Variants in KCNG3 observed in about 807,000 individuals in gnomAD.
The protein encoded by KCNG3 is potassium voltage-gated channel modifier subfamily G member 3.
Under a neutral mutation model 29.0 loss-of-function variants are expected in KCNG3, and 15 were observed. The observed-to-expected ratio is 0.52, with a 90% CI of 0.35 to 0.80. The LOEUF (loss-of-function observed/expected upper bound fraction) is 0.80. Ranked by LOEUF, KCNG3 falls within the 30% of genes least tolerant of loss-of-function variation. The probability of loss-of-function intolerance (pLI) is 0.01; values close to 1 mark genes in which losing one functional copy is unlikely to be tolerated. For synonymous variants in KCNG3, 322 were observed against 248.9 expected (o/e 1.29, Z -2.76); for missense variants, 512 against 605.7 (o/e 0.85, Z 1.62).
intron 1 of KCNG3, among the ~76,000 whole-genome samples, chr2:42,446,065 C>G (rs986026545): frequency 6.6e-6 from 1 of 152,040 alleles, no homozygotes; most frequent in South Asian, 2.1e-4. Context: ...ATCCTGGGAG[C>G]TCTAGGCCCC....
At chr2:42,483,922 C>G (rs13016349) in intron 1 of KCNG3, among the ~76,000 whole-genome samples, 100,572 of 151,966 alleles carry the variant, frequency 0.66, 35,142 homozygotes, top group African/African-American at 0.9. Flanking sequence ...CTCCTGAGTA[C>G]CTGGGATTAC....
At chr2:42,476,543 G>C (rs1057229224) in intron 1 of KCNG3, among the ~76,000 whole-genome samples, 1 of 151,930 alleles carries the variant, frequency 6.6e-6, no homozygotes, top group African/African-American at 2.4e-5. Flanking sequence ...CTGGAGTGCA[G>C]TGGCACGATC....
chr2:42,477,382 T>TACACACAC lies in KCNG3; in HGVS notation c.665+15454_665+15455insGTGTGTGT, dbSNP rs1328091998. ...GTATATACATATATATACACACACA[T>TACACACAC]ATATATACACACACACACACACACA... On this transcript the variant is annotated intron_variant, in intron 1 of 1. Transcript: ENST00000306078. Among the ~76,000 whole-genome samples the TACACACAC allele has an allele frequency of 7.3e-3, 771 of 105,146 alleles. 4 individuals are homozygous for TACACACAC. The highest frequency in any genetic ancestry group is 0.019 in the East Asian group (57 of 2,950). The allele number at this position is 105,146 out of a possible 152,430, so 69.0% of individuals were successfully genotyped here. A position where few individuals can be genotyped will look rare whatever the true frequency, so the allele number is the denominator to read the frequency against.
chr2:42,482,640 A>G (rs918519172), intron 1 of KCNG3, among the ~76,000 whole-genome samples: 6 of 152,192 alleles, frequency 3.9e-5, no homozygotes, highest in African/African-American at 7.2e-5. Context: ...GAGGCACAAG[A>G]ATCGCTTGAA....
chr2:42,460,216 G>T (rs532179047), intron 1 of KCNG3, among the ~76,000 whole-genome samples: 2 of 151,670 alleles, frequency 1.3e-5, no homozygotes, highest in Non-Finnish European at 2.9e-5. Context: ...AAAATAGCAG[G>T]CATGATGGTG....
At chr2:42,427,383 T>C in the KCNG3 span, among the ~76,000 whole-genome samples, 1 of 151,964 alleles carries the variant, frequency 6.6e-6, no homozygotes, top group East Asian at 1.9e-4. Flanking sequence ...GCAGGTGGAT[T>C]TGCTTGAGCC....
At chr2:42,471,180 G>GTATA (rs1402809124) in intron 1 of KCNG3, among the ~76,000 whole-genome samples, 10 of 151,056 alleles carry the variant, frequency 6.6e-5, no homozygotes, top group African/African-American at 2.2e-4. Flanking sequence ...GTGTGTGTGT[G>GTATA]TGTGTATATA....
At chr2:42,403,298 C>T in the KCNG3 span, among the ~76,000 whole-genome samples, 1 of 151,858 alleles carries the variant, frequency 6.6e-6, no homozygotes, top group Non-Finnish European at 1.5e-5. Context: ...CACATCACTA[C>T]ACCTGGCTAA....
At chr2:42,445,831 A>G (rs2103662914) in intron 1 of KCNG3, among the ~76,000 whole-genome samples, 1 of 152,004 alleles carries the variant, frequency 6.6e-6, no homozygotes, top group East Asian at 1.9e-4. Flanking sequence ...GGTTTAAGCA[A>G]TTCTCCTGCC....
At chr2:42,402,592 T>C in the KCNG3 span, among the ~76,000 whole-genome samples, 11 of 152,236 alleles carry the variant, frequency 7.2e-5, 1 homozygote, top group African/African-American at 1.2e-4. Context: ...GTTTTGTGTA[T>C]GGTATGGGAT....
At chr2:42,451,776 T>TG in intron 1 of KCNG3, among the ~76,000 whole-genome samples, 1 of 152,126 alleles carries the variant, frequency 6.6e-6, no homozygotes, top group South Asian at 2.1e-4. Flanking sequence ...GGTGTGTGCC[T>TG]GTAGTCCTAG....
chr2:42,472,892 T>TAG (rs1249948024), intron 1 of KCNG3, among the ~76,000 whole-genome samples: 3 of 98,780 alleles, frequency 3.0e-5, no homozygotes, highest in Admixed American at 2.6e-4. Flanking sequence ...TATCGATAGA[T>TAG]ATATATATAT....
chr2:42,467,485 T>C (rs1485150203), intron 1 of KCNG3, among the ~76,000 whole-genome samples: 2 of 151,878 alleles, frequency 1.3e-5, no homozygotes, highest in East Asian at 3.9e-4. Context: ...CTGGCCAACA[T>C]GGTGAAAACC....
At chr2:42,477,951 C>G (rs1295788588) in intron 1 of KCNG3, among the ~76,000 whole-genome samples, 1 of 151,954 alleles carries the variant, frequency 6.6e-6, no homozygotes, top group Admixed American at 6.6e-5. Flanking sequence ...CCTGACACAA[C>G]GCACCTTAGT....
chr2:42,477,390 C>A (rs566201248), intron 1 of KCNG3, among the ~76,000 whole-genome samples: 1 of 35,180 alleles, frequency 2.8e-5, no homozygotes, highest in African/African-American at 7.9e-5. Context: ...CATATATATA[C>A]ACACACACAC....
At position 42,489,216 on chromosome 2, in the gene KCNG3, C is replaced by G. The variant is rs530071249; in HGVS notation, c.665+3621G>C. On this transcript the variant is annotated intron_variant, in intron 1 of 1. Coordinates refer to ENST00000306078, the MANE Select transcript of KCNG3 (RefSeq NM_133329.6). ...GCCACCACGCCTGGCCTGTGAGACC[C>G]CATGTCTACAAAAAATGTTCTTAAT... Among the ~76,000 whole-genome samples, 4 of 152,020 alleles carry G rather than the reference C, an allele frequency of 2.6e-5. No homozygotes were observed. The South Asian group carries it at 8.3e-4, about 32-fold the overall frequency.
At chr2:42,391,595 C>CTTTTTT in the KCNG3 span, among the ~76,000 whole-genome samples, 204 of 88,120 alleles carry the variant, frequency 2.3e-3, 8 homozygotes, top group South Asian at 3.6e-3. Flanking sequence ...TTTTATATCT[C>CTTTTTT]TTTTTTTTTT....
At chr2:42,485,285 CTT>C (rs1673693456) in intron 1 of KCNG3, among the ~76,000 whole-genome samples, 1 of 152,160 alleles carries the variant, frequency 6.6e-6, no homozygotes, top group South Asian at 2.1e-4. Context: ...TATAGCAAGA[CTT>C]TGCCTGCTAA....
intron 1 of KCNG3, chr2:42,463,670 T>A (rs916566788): frequency 5.7e-6 from 1 of 176,614 alleles, no homozygotes; most frequent in Non-Finnish European, 1.2e-5. Flanking sequence ...TTAGCATTTT[T>A]TCCCCCCAGC....
Sources: allele counts gnomAD v4.1 joint callset (sites outside exome capture counted in the v4.1 genomes callset), GRCh38; gene constraint gnomAD v4.1.1; transcripts MANE v1.5; gene names NCBI Gene and HGNC (gene_info 2026-07-23, HGNC 2026-07-21).